Variants in IQCM observed in about 807,000 individuals in gnomAD.
The protein encoded by IQCM is IQ motif containing M.
IQCM carries 45 observed loss-of-function variants against 57.6 expected under a neutral mutation model. The ratio of observed to expected loss-of-function variants is 0.78; its 90% confidence interval spans 0.62 to 1.00. The LOEUF is 1.00. Ranked by LOEUF, IQCM falls within the 50% of genes least tolerant of loss-of-function variation. The pLI, the probability that IQCM is intolerant of heterozygous loss-of-function variation, is 0.00. For missense variants in IQCM, 468 were observed against 511.6 expected, an observed-to-expected ratio of 0.91 and a Z score of 0.82; for synonymous variants, 148 against 158.9, an observed-to-expected ratio of 0.93 and a Z score of 0.51.
At chr4:149,751,501 G>C (rs983030455) in intron 2 of IQCM, among the ~76,000 whole-genome samples, 1 of 152,072 alleles carries the variant, frequency 6.6e-6, no homozygotes, top group Non-Finnish European at 1.5e-5. Flanking sequence ...TAAAACTTAA[G>C]GTCCTGAATC....
chr4:149,660,660 G>T lies in IQCM; in HGVS notation c.565+21458C>A, dbSNP rs1230626531. 8.5e-4 allele frequency among the ~76,000 whole-genome samples: 129 copies of T among 151,936 alleles called. 1 individual carries two copies. In the South Asian group the frequency reaches 0.015, roughly 18 times the overall value. On this transcript the variant is annotated intron_variant, in intron 7 of 13. Transcript: ENST00000636793. ...TGGAATACTATGCAGCCATAAAAAA[G>T]GATGAGTTCATGTCCTTTGTAGGGA...
At chr4:149,358,253 T>C (rs895102581) in intron 13 of IQCM, among the ~76,000 whole-genome samples, 1 of 152,230 alleles carries the variant, frequency 6.6e-6, no homozygotes, top group Non-Finnish European at 1.5e-5. Context: ...CCTTCAGTTC[T>C]GCTCTGATCT....
At chr4:149,417,644 T>G (rs1733838620) in intron 13 of IQCM, among the ~76,000 whole-genome samples, 1 of 152,090 alleles carries the variant, frequency 6.6e-6, no homozygotes, top group Non-Finnish European at 1.5e-5. Flanking sequence ...ACCAGCTAGA[T>G]TCAAGGTCCA....
intron 11 of IQCM, among the ~76,000 whole-genome samples, chr4:149,550,569 GTA>G (rs1170731227): frequency 6.6e-6 from 1 of 152,072 alleles, no homozygotes; most frequent in Non-Finnish European, 1.5e-5. Flanking sequence ...CCCTTAACCT[GTA>G]TATTATGCCC....
chr4:149,673,693 T>A (rs1761509676), intron 7 of IQCM, among the ~76,000 whole-genome samples: 1 of 152,122 alleles, frequency 6.6e-6, no homozygotes, highest in Non-Finnish European at 1.5e-5. Context: ...AACGCCCCAC[T>A]GTCAACATTA....
At chr4:149,469,323 G>A (rs1000492276) in intron 12 of IQCM, among the ~76,000 whole-genome samples, 3 of 152,272 alleles carry the variant, frequency 2.0e-5, no homozygotes, top group East Asian at 3.9e-4. Context: ...ACTACGTGAC[G>A]AATCCACAAG....
At chr4:149,403,655 G>A (rs2111140996) in intron 13 of IQCM, among the ~76,000 whole-genome samples, 1 of 151,900 alleles carries the variant, frequency 6.6e-6, no homozygotes, top group East Asian at 1.9e-4. Flanking sequence ...GAATATGCCT[G>A]CCATTGCTGA....
intron 2 of IQCM, among the ~76,000 whole-genome samples, chr4:149,800,679 T>C (rs1026637556): frequency 6.6e-6 from 1 of 151,952 alleles, no homozygotes; most frequent in African/African-American, 2.4e-5. Context: ...GAAAAAGTAG[T>C]AGCATTTCTA....
At chr4:149,670,339 C>T (rs1213867913) in intron 7 of IQCM, among the ~76,000 whole-genome samples, 1 of 152,158 alleles carries the variant, frequency 6.6e-6, no homozygotes, top group East Asian at 1.9e-4. Flanking sequence ...TATCCTGAGA[C>T]TTTGCTGAAG....
intron 5 of IQCM, among the ~76,000 whole-genome samples, chr4:149,706,533 G>A (rs184691108): frequency 6.6e-6 from 1 of 152,054 alleles, no homozygotes; most frequent in Admixed American, 6.6e-5. Flanking sequence ...AAGAGCATTT[G>A]AGTTTGGAAC....
intron 12 of IQCM, among the ~76,000 whole-genome samples, chr4:149,433,878 C>T (rs1735105304): frequency 6.6e-6 from 1 of 151,948 alleles, no homozygotes; most frequent in Non-Finnish European, 1.5e-5. Flanking sequence ...TATATTCTTA[C>T]TTTTAATTTC....
At chr4:149,542,365 G>A (rs1414248660) in intron 12 of IQCM, among the ~76,000 whole-genome samples, 1 of 152,008 alleles carries the variant, frequency 6.6e-6, no homozygotes, top group Non-Finnish European at 1.5e-5. Flanking sequence ...AACATGAACA[G>A]GCAGCTCTTG....
At chr4:149,371,505 G>A (rs548393116) in intron 13 of IQCM, among the ~76,000 whole-genome samples, 1 of 152,122 alleles carries the variant, frequency 6.6e-6, no homozygotes, top group Non-Finnish European at 1.5e-5. Flanking sequence ...GTCTCCAAGA[G>A]TATCTATCTT....
chr4:149,765,045 GT>G (rs112314887), intron 2 of IQCM, among the ~76,000 whole-genome samples: 10 of 152,092 alleles, frequency 6.6e-5, no homozygotes, highest in African/African-American at 2.4e-4. Flanking sequence ...AGAAAAAAAT[GT>G]TTCTTCCATC....
intron 3 of IQCM, among the ~76,000 whole-genome samples, chr4:149,740,043 T>A (rs541114539): frequency 6.6e-6 from 1 of 152,260 alleles, no homozygotes; most frequent in South Asian, 2.1e-4. Flanking sequence ...ATTTTCTGTA[T>A]CCGAAAAGAC....
intron 13 of IQCM, among the ~76,000 whole-genome samples, chr4:149,355,903 C>A (rs908801996): frequency 1.3e-5 from 2 of 152,040 alleles, no homozygotes; most frequent in Admixed American, 6.6e-5. Context: ...TCTCCAGCAC[C>A]TGTTGTTTCC....
intron 12 of IQCM, among the ~76,000 whole-genome samples, chr4:149,464,058 TAC>T (rs535729801): frequency 1.4e-3 from 208 of 152,290 alleles, no homozygotes; most frequent in African/African-American, 4.1e-3. Context: ...CCAGGTTAGG[TAC>T]ACAGGTAGAA....
chr4:149,784,711 G>T (rs962571074), intron 2 of IQCM, among the ~76,000 whole-genome samples: 1 of 152,102 alleles, frequency 6.6e-6, no homozygotes, highest in Non-Finnish European at 1.5e-5. Context: ...ACCGCGCCCG[G>T]CCTGAAAAAA....
intron 12 of IQCM, among the ~76,000 whole-genome samples, chr4:149,469,078 G>A (rs1739205215): frequency 6.6e-6 from 1 of 152,162 alleles, no homozygotes; most frequent in African/African-American, 2.4e-5. Flanking sequence ...TTCTCCAAAG[G>A]AACACAGCTC....
Sources: allele counts gnomAD v4.1 joint callset (sites outside exome capture counted in the v4.1 genomes callset), GRCh38; gene constraint gnomAD v4.1.1; transcripts MANE v1.5; gene names NCBI Gene and HGNC (gene_info 2026-07-23, HGNC 2026-07-21).